NCOA2: variants seen among roughly 807,000 people sequenced by gnomAD.
The protein encoded by NCOA2 is class E basic helix-loop-helix protein 75.
NCOA2 carries 21 observed loss-of-function variants against 145.1 expected under a neutral mutation model. The observed-to-expected ratio is 0.14, with a 90% CI of 0.10 to 0.21. NCOA2 has a LOEUF of 0.21. NCOA2 is among the 10% of genes least tolerant of loss of function. NCOA2 has a pLI of 1.00. For missense variants in NCOA2, 1,472 were observed against 1,837.6 expected, an observed-to-expected ratio of 0.80 and a Z score of 3.64; for synonymous variants, 619 against 637.5, an observed-to-expected ratio of 0.97 and a Z score of 0.44.
intron 2 of NCOA2, among the ~76,000 whole-genome samples, chr8:70,259,914 C>T (rs1823971003): frequency 6.6e-6 from 1 of 152,206 alleles, no homozygotes; most frequent in Admixed American, 6.5e-5. Context: ...AACAAATTCA[C>T]TGTACTGAGT....
At chr8:70,298,570 G>T (rs2135784157) in intron 1 of NCOA2, among the ~76,000 whole-genome samples, 1 of 152,258 alleles carries the variant, frequency 6.6e-6, no homozygotes, top group South Asian at 2.1e-4. Context: ...CATTATGCTG[G>T]CCTACTTAAG....
At chr8:70,272,578 A>G (rs1247341249) in intron 2 of NCOA2, among the ~76,000 whole-genome samples, 3 of 152,180 alleles carry the variant, frequency 2.0e-5, no homozygotes, top group Non-Finnish European at 4.4e-5. Context: ...TCCACCTCCT[A>G]ACATCTGTCA....
rs150623656 is a variant in NCOA2, at chr8:70,256,302, C to A, written c.-19-39538G>T. Among the ~76,000 whole-genome samples the A allele has an allele frequency of 4.6e-5, 7 of 152,234 alleles. No individual in the cohort carries two copies. In the East Asian group the frequency reaches 1.4e-3, roughly 29 times the overall value. ...GAAATGGAGGCAGATTTGCAAGTGA[C>A]AAAAACATTTTTCAGAGACAAGCTC... On this transcript the variant is annotated intron_variant, in intron 2 of 22. Transcript: ENST00000452400.
chr8:70,317,919 T>G (rs1366830379), intron 1 of NCOA2, among the ~76,000 whole-genome samples: 3 of 151,570 alleles, frequency 2.0e-5, no homozygotes, highest in Non-Finnish European at 4.4e-5. Flanking sequence ...AGTGAGACCC[T>G]GTCTCTAAAA....
At chr8:70,173,659 T>A (rs1814496120) in intron 5 of NCOA2, among the ~76,000 whole-genome samples, 1 of 152,200 alleles carries the variant, frequency 6.6e-6, no homozygotes, top group Non-Finnish European at 1.5e-5. Context: ...GGGCCAACAC[T>A]GGGACATTTA....
In NCOA2 at chr8:70,138,218, A is replaced by G; in HGVS notation, c.3143T>C (p.Phe1048Ser). 1.2e-6 allele frequency: 2 copies of G among 1,613,196 alleles called. No individual in the cohort carries two copies. The highest frequency in any genetic ancestry group is 1.7e-6 in the Non-Finnish European group (2 of 1,179,662). ...ESILPIDQAS[F>S]ASQNRQPFGS... The stretch of plus-strand genomic sequence containing the variant: ...CAGGACTCACCTGTTTTGGCTGGCA[A>G]AAGACGCCTGGTCTATAGGCAGGAT... The change falls in exon 15 of 23, where the codon TTT (phenylalanine) becomes TCT (serine). Residue 1048 changes from phenylalanine to serine, a missense_variant. Phe to Ser is a radical substitution (Grantham distance 155, BLOSUM62 -2). This residue lies in a region of NCOA2 where 953 missense variants were observed against 1,062.1 expected (regional missense o/e 0.90). Coordinates refer to ENST00000452400, the MANE Select transcript of NCOA2 (RefSeq NM_006540.4).
intron 7 of NCOA2, among the ~76,000 whole-genome samples, chr8:70,164,663 G>A (rs558211874): frequency 1.3e-4 from 20 of 151,834 alleles, no homozygotes; most frequent in Non-Finnish European, 2.4e-4. Flanking sequence ...TTTTTAACTT[G>A]GCTGTTCCTG....
At chr8:70,206,383 TATAAAAATAA>T (rs1818443016) in intron 4 of NCOA2, among the ~76,000 whole-genome samples, 1 of 152,176 alleles carries the variant, frequency 6.6e-6, no homozygotes. Context: ...CTATTTAAAT[TATAAAAATAA>T]ATGAAAGCTT....
intron 4 of NCOA2, among the ~76,000 whole-genome samples, chr8:70,189,976 A>C (rs1198856994): frequency 6.6e-6 from 1 of 152,224 alleles, no homozygotes; most frequent in Non-Finnish European, 1.5e-5. Context: ...GAATGCTTTC[A>C]TCAGAGAATG....
intron 2 of NCOA2, among the ~76,000 whole-genome samples, chr8:70,245,818 A>ATAC (rs1822568411): frequency 6.6e-6 from 1 of 152,138 alleles, no homozygotes; most frequent in Non-Finnish European, 1.5e-5. Flanking sequence ...AAGCAAATAT[A>ATAC]TACTCTCTTG....
intron 2 of NCOA2, among the ~76,000 whole-genome samples, chr8:70,284,555 C>A (rs1176835961): frequency 2.0e-5 from 3 of 152,198 alleles, no homozygotes; most frequent in African/African-American, 4.8e-5. Context: ...CTTTAACCCT[C>A]TCAGCCACCT....
rs1812298833 is a variant in NCOA2 at position 70,156,445 on chromosome 8, T to C, written c.1920A>G (p.Lys640=). 2 of 1,613,422 alleles carry C rather than the reference T, an allele frequency of 1.2e-6. No homozygotes were observed. The highest frequency in any genetic ancestry group is 1.7e-6 in the Non-Finnish European group (2 of 1,179,800). ...ATTTGGTGGTCAGCAGCTGCAGGAGTTTGGTCTGCCCTTTGCTGTCATGCA... is the reference window on the plus strand; with the variant it reads ...ATTTGGTGGTCAGCAGCTGCAGGAGCTTGGTCTGCCCTTTGCTGTCATGCA... ...SRLHDSKGQT[K]LLQLLTTKSD... The change falls in exon 11 of 23, where the codon AAA becomes AAG. Residue 640 remains lysine (K), a synonymous_variant. Coordinates refer to ENST00000452400, the MANE Select transcript of NCOA2 (RefSeq NM_006540.4).
chr8:70,160,678 A>AGAGAGAGAGAGG (rs1421486002), intron 9 of NCOA2, among the ~76,000 whole-genome samples: 1 of 145,382 alleles, frequency 6.9e-6, no homozygotes, highest in Admixed American at 6.7e-5. Context: ...AGAGAGAGAG[A>AGAGAGAGAGAGG]GAGGGAGAGA....
At position 70,110,712 on chromosome 8, in the gene NCOA2, T is replaced by G. The variant is rs918532032; in HGVS notation, c.*2920A>C. On this transcript the variant is annotated 3_prime_UTR_variant, in exon 23 of 23. Coordinates refer to ENST00000452400, the MANE Select transcript of NCOA2 (RefSeq NM_006540.4). Reference sequence around the variant, plus strand: ...TTATATAAACTGCAAAAACATTGCTTTCAATTATTACAGGCCATAAGAGAT... The same window carrying G: ...TTATATAAACTGCAAAAACATTGCTGTCAATTATTACAGGCCATAAGAGAT... 1 of 220,156 alleles carries G rather than the reference T, an allele frequency of 4.5e-6. No individual in the cohort carries two copies. Among genetic ancestry groups the G allele is most frequent in the Non-Finnish European group, 9.1e-6 (1 of 109,820 alleles). The allele number at this position is 220,156 out of a possible 1,614,324, so 13.6% of individuals were successfully genotyped here.
intron 2 of NCOA2, among the ~76,000 whole-genome samples, chr8:70,240,492 C>T (rs1822030631): frequency 6.6e-6 from 1 of 152,110 alleles, no homozygotes; most frequent in Admixed American, 6.5e-5. Flanking sequence ...TATCTTTCTT[C>T]AGTCTCTTTA....
chr8:70,253,164 G>A (rs1823346003), intron 2 of NCOA2, among the ~76,000 whole-genome samples: 2 of 152,182 alleles, frequency 1.3e-5, no homozygotes, highest in South Asian at 2.1e-4. Flanking sequence ...TGGGAAAAGA[G>A]GGAAAATACC....
Position 70,129,088 on chromosome 8 carries a change from T to G in NCOA2, c.3325-108A>C. ...TCATATATTTGAAGCTTTTTATACTTTTTAATATTATACTTACTACACAAA... is the reference window on the plus strand; with the variant it reads ...TCATATATTTGAAGCTTTTTATACTGTTTAATATTATACTTACTACACAAA... On this transcript the variant is annotated intron_variant, in intron 16 of 22. Coordinates refer to ENST00000452400, the MANE Select transcript of NCOA2 (RefSeq NM_006540.4). 4 of 1,087,170 alleles carry G rather than the reference T, an allele frequency of 3.7e-6. No homozygotes were observed. In the South Asian group the frequency reaches 6.6e-5, roughly 18 times the overall value. 67.3% of individuals were successfully genotyped at this position (1,087,170 alleles called of 1,614,324 possible).
chr8:70,403,011 G>A (rs1369108526), intron 1 of NCOA2, among the ~76,000 whole-genome samples: 2 of 116,442 alleles, frequency 1.7e-5, no homozygotes, highest in African/African-American at 3.2e-5. Flanking sequence ...ACACGGGCCC[G>A]GGCCACCCGC....
chr8:70,378,321 C>T lies in NCOA2; in HGVS notation c.-77+25379G>A, dbSNP rs553390330. Among the ~76,000 whole-genome samples, 89 of 152,036 alleles carry T rather than the reference C, an allele frequency of 5.9e-4. 1 individual carries two copies. Among genetic ancestry groups the T allele is most frequent in the African/African-American group, 1.9e-3 (80 of 41,476 alleles). ...TAAAAAAGAAAATATTATTTTAAAT[C>T]TTTTATATACTACAAAAAATATTTT... On this transcript the variant is annotated intron_variant, in intron 1 of 22. Transcript: ENST00000452400.
Sources: allele counts gnomAD v4.1 joint callset (sites outside exome capture counted in the v4.1 genomes callset), GRCh38; gene constraint gnomAD v4.1.1; regional missense constraint gnomAD v4.1.1; transcripts MANE v1.5; gene names NCBI Gene and HGNC (gene_info 2026-07-23, HGNC 2026-07-21).